SLC45A4: variants seen among roughly 807,000 people sequenced by gnomAD.
SLC45A4 encodes solute carrier family 45 member 4, also known as polyamine-transporter SLC45A4.
SLC45A4 carries 32 observed loss-of-function variants against 63.7 expected under a neutral mutation model. The ratio of observed to expected loss-of-function variants is 0.50; its 90% CI spans 0.38 to 0.67. SLC45A4 has a LOEUF of 0.67. SLC45A4 is among the 30% of genes least tolerant of loss of function. The pLI is 0.00. For missense variants in SLC45A4, 1,027 were observed against 1,157.7 expected (o/e 0.89, Z 1.64); for synonymous variants, 535 against 510.0 (o/e 1.05, Z -0.66).
At chr8:141,232,725 A>G (rs1827427425) in intron 2 of SLC45A4, among the ~76,000 whole-genome samples, 1 of 134,438 alleles carries the variant, frequency 7.4e-6, no homozygotes, top group South Asian at 2.9e-4. Flanking sequence ...TCAGTGGCTC[A>G]ACACAGACAT....
intron 2 of SLC45A4, among the ~76,000 whole-genome samples, chr8:141,243,156 C>T (rs1292733793): frequency 2.0e-5 from 3 of 152,234 alleles, no homozygotes; most frequent in African/African-American, 7.2e-5. Context: ...CCCACCGGGC[C>T]ACCAGAAAGT....
intron 2 of SLC45A4, among the ~76,000 whole-genome samples, chr8:141,236,568 T>G (rs547925055): frequency 7.9e-5 from 12 of 152,248 alleles, no homozygotes; most frequent in African/African-American, 1.7e-4. Context: ...TAGTTACACA[T>G]GTACCTATCC....
chr8:141,244,215 T>C (rs746907975), intron 2 of SLC45A4, among the ~76,000 whole-genome samples: 1 of 152,170 alleles, frequency 6.6e-6, no homozygotes, highest in Non-Finnish European at 1.5e-5. Context: ...GAAAGGCCTC[T>C]TCCCTGCCCT....
Position 141,227,959 on chromosome 8 carries a change from G to A in SLC45A4, c.242-6194C>T, listed in dbSNP as rs553016788. Among the ~76,000 whole-genome samples the A allele has an allele frequency of 1.0e-3, 153 of 152,200 alleles. No individual in the cohort carries two copies. The highest frequency in any genetic ancestry group is 3.5e-3 in the African/African-American group (144 of 41,512). ...TGGGAGAATCTGGCATTGAAGGGCC[G>A]GGGACAATAAGTTCCCGGGCTTTGG... On this transcript the variant is annotated intron_variant, in intron 2 of 8. Transcript: ENST00000517878. The surrounding 1 kb of genome is among the most constrained non-coding windows in gnomAD (Gnocchi z 4.4).
intron 1 of SLC45A4, among the ~76,000 whole-genome samples, chr8:141,275,551 C>T (rs989466876): frequency 6.6e-6 from 1 of 151,786 alleles, no homozygotes; most frequent in Non-Finnish European, 1.5e-5. Context: ...TGAACCATGA[C>T]TCCACCTGTG....
chr8:141,284,476 A>C (rs1830069935), intron 1 of SLC45A4, among the ~76,000 whole-genome samples: 1 of 152,248 alleles, frequency 6.6e-6, no homozygotes, highest in South Asian at 2.1e-4. Context: ...GTGTCTATAA[A>C]AAATGTTTCT....
At chr8:141,220,704 C>T (rs1435185074) in intron 3 of SLC45A4, among the ~76,000 whole-genome samples, 1 of 152,242 alleles carries the variant, frequency 6.6e-6, no homozygotes, top group African/African-American at 2.4e-5. Flanking sequence ...CCTCCTCAGA[C>T]CACGGGCAGG....
chr8:141,213,847 T>C (rs1322760421), intron 7 of SLC45A4, among the ~76,000 whole-genome samples: 1 of 152,232 alleles, frequency 6.6e-6, no homozygotes, highest in African/African-American at 2.4e-5. Flanking sequence ...AAGAGAACAA[T>C]TTAATGCTAA....
chr8:141,264,345 C>T (rs530229298), intron 1 of SLC45A4, among the ~76,000 whole-genome samples: 2 of 152,250 alleles, frequency 1.3e-5, no homozygotes, highest in African/African-American at 4.8e-5. Context: ...CAAATGTCGG[C>T]GTGCACTTGT....
At chr8:141,212,018 C>T (rs1215658273) in intron 8 of SLC45A4, 179 bp downstream of exon 8, 2 of 1,327,688 alleles carry the variant, frequency 1.5e-6, no homozygotes, top group Non-Finnish European at 1.9e-6. Flanking sequence ...TCAAACCTAC[C>T]CTACGACTAC....
chr8:141,258,060 C>CTTTTTTTTTTTTTTTTTTTTTTTTT (rs3072057), intron 1 of SLC45A4, among the ~76,000 whole-genome samples: 1 of 123,328 alleles, frequency 8.1e-6, no homozygotes. Context: ...TTTCTTCTTC[C>CTTTTTTTTTTTTTTTTTTTTTTTTT]TTTTTTTTTT....
At chr8:141,304,318 G>A (rs1019690644) in intron 1 of SLC45A4, among the ~76,000 whole-genome samples, 5 of 151,982 alleles carry the variant, frequency 3.3e-5, no homozygotes, top group Non-Finnish European at 7.4e-5. Context: ...CAGCACTTCG[G>A]GAGGCCCAGG....
intron 2 of SLC45A4, chr8:141,253,032 CACCT>C (rs1460191441): frequency 3.1e-5 from 5 of 161,562 alleles, no homozygotes; most frequent in African/African-American, 1.0e-4. Context: ...TTTTCACACC[CACCT>C]GTGTCTGTGA....
rs551702165 is a variant in SLC45A4, at chr8:141,215,263, G to T, written c.1941+496C>A. On this transcript the variant is annotated intron_variant, in intron 7 of 8. Transcript: ENST00000517878. This position sits in a 1 kb window ranked among gnomAD's most constrained non-coding sequence, Gnocchi z 4.3. ...TTTCAACGATGAGCAAGAGTGTAAG[G>T]TATCTCGATGACTTTTTTCATATAG... 6.6e-6 allele frequency among the ~76,000 whole-genome samples: 1 copy of T among 152,178 alleles called. No homozygotes were observed. Among genetic ancestry groups the T allele is most frequent in the East Asian group, 1.9e-4 (1 of 5,202 alleles).
intron 2 of SLC45A4, chr8:141,225,589 C>G (rs1269792005): frequency 6.6e-6 from 1 of 152,424 alleles, no homozygotes; most frequent in Non-Finnish European, 1.5e-5. Context: ...CGTGCACAGG[C>G]CTGTCCCGCC....
At chr8:141,244,953 T>TGGGGGGGGGGG (rs1332452740) in intron 2 of SLC45A4, among the ~76,000 whole-genome samples, 1 of 27,756 alleles carries the variant, frequency 3.6e-5, no homozygotes, top group Non-Finnish European at 6.1e-5. Context: ...CAAGAAGACG[T>TGGGGGGGGGGG]GGGTGGGGGG....
At chr8:141,269,795 G>A (rs777177429) in intron 1 of SLC45A4, among the ~76,000 whole-genome samples, 1 of 152,148 alleles carries the variant, frequency 6.6e-6, no homozygotes, top group African/African-American at 2.4e-5. Flanking sequence ...ATCTGTGCAT[G>A]TGTATGTGTT....
chr8:141,290,146 T>C (rs1402935386), intron 1 of SLC45A4, among the ~76,000 whole-genome samples: 1 of 152,196 alleles, frequency 6.6e-6, no homozygotes, highest in Admixed American at 6.5e-5. Flanking sequence ...TGTATGTATA[T>C]ATTATACATG....
chr8:141,275,316 C>A (rs1447658598), intron 1 of SLC45A4, among the ~76,000 whole-genome samples: 3 of 152,190 alleles, frequency 2.0e-5, no homozygotes, highest in African/African-American at 7.2e-5. Flanking sequence ...TTGGGACAGT[C>A]CCGAAGTCAA....
Sources: gnomAD v4.1 joint callset for allele counts (sites outside exome capture counted in the v4.1 genomes callset) on GRCh38, gnomAD v4.1.1 for gene constraint, Gnocchi (gnomAD v3.1) non-coding constraint, MANE v1.5 for transcripts, NCBI Gene and HGNC (gene_info 2026-07-23, HGNC 2026-07-21) for gene names.